Variants in EEA1 observed in about 807,000 individuals in gnomAD.
EEA1 encodes early endosome antigen 1, also known as early endosome antigen 1, 162kD.
In EEA1, 111 loss-of-function variants were observed where a neutral mutation model predicts 209.2. The ratio of observed to expected loss-of-function variants is 0.53; its 90% CI spans 0.45 to 0.62. The LOEUF is 0.62. EEA1 is among the 20% of genes least tolerant of loss of function. EEA1 has a pLI of 0.00. For missense variants in EEA1, 1,343 were observed against 1,530.8 expected (o/e 0.88, Z 2.05); for synonymous variants, 536 against 540.6 (o/e 0.99, Z 0.12).
chr12:92,807,503 T>C (rs1273653257), intron 18 of EEA1, among the ~76,000 whole-genome samples: 1 of 152,146 alleles, frequency 6.6e-6, no homozygotes. Context: ...TTTGTCTCTA[T>C]TCACAGATAA....
chr12:92,887,338 C>G (rs1254651003), intron 2 of EEA1, among the ~76,000 whole-genome samples: 1 of 12,270 alleles, frequency 8.1e-5, no homozygotes, highest in Non-Finnish European at 1.3e-4. Context: ...AAAACTAAAA[C>G]TTAAAAATTT....
At chr12:92,777,029 T>C in intron 27 of EEA1, 87 bp from the exon 28 acceptor site, 5 of 1,421,744 alleles carry the variant, frequency 3.5e-6, no homozygotes, top group Non-Finnish European at 4.9e-6. Context: ...CAGAGTTCTA[T>C]AAAATTTTGA....
intron 5 of EEA1, among the ~76,000 whole-genome samples, chr12:92,855,881 A>G (rs1382568744): frequency 6.6e-6 from 1 of 152,238 alleles, no homozygotes; most frequent in Non-Finnish European, 1.5e-5. Flanking sequence ...AGAAAAGAAT[A>G]CAGCCCATAC....
intron 1 of EEA1, among the ~76,000 whole-genome samples, chr12:92,909,615 G>GAAAGT (rs1880504081): frequency 6.6e-6 from 1 of 152,224 alleles, no homozygotes; most frequent in Non-Finnish European, 1.5e-5. Flanking sequence ...ATGGTATTGA[G>GAAAGT]AAGTGAGGCC....
chr12:92,908,499 A>G (rs1362912414), intron 1 of EEA1, among the ~76,000 whole-genome samples: 2 of 152,180 alleles, frequency 1.3e-5, no homozygotes, highest in African/African-American at 4.8e-5. Flanking sequence ...TAAAACCTAA[A>G]TAAGTATTAT....
chr12:92,869,874 A>G (rs1878562759), intron 2 of EEA1, among the ~76,000 whole-genome samples: 1 of 151,840 alleles, frequency 6.6e-6, no homozygotes, highest in African/African-American at 2.4e-5. Flanking sequence ...TTGACCCACA[A>G]GGTCCAGAAG....
chr12:92,789,012 C>G (rs1874264533), intron 21 of EEA1, among the ~76,000 whole-genome samples: 1 of 151,998 alleles, frequency 6.6e-6, no homozygotes, highest in Non-Finnish European at 1.5e-5. Context: ...TCAACTAGGC[C>G]GGGCATGGTG....
chr12:92,900,033 A>G (rs1880082603), intron 1 of EEA1, among the ~76,000 whole-genome samples: 2 of 152,116 alleles, frequency 1.3e-5, no homozygotes, highest in Admixed American at 1.3e-4. Context: ...TGTTTGGGAG[A>G]CTGGAGATTC....
Position 92,776,078 on chromosome 12 carries a change from G to C in EEA1, c.4169C>G (p.Ala1390Gly), listed in dbSNP as rs1463636482. The C allele has an allele frequency of 6.2e-7, 1 of 1,611,284 alleles. No homozygotes were observed. The highest frequency in any genetic ancestry group is 8.5e-7 in the Non-Finnish European group (1 of 1,178,262). ...IFCAECSAKN[A>G]LTPSSKKPVR... ...AGGCTTCTTGGAGGAAGGAGTTAAG[G>C]CATTTTTGGCTGAACATTCAGCACA... The change falls in exon 29 of 29, where the codon GCC (alanine) becomes GGC (glycine). Residue 1390 changes from alanine to glycine, a missense_variant. This residue lies in a region of EEA1 where 28 missense variants were observed against 37.7 expected (regional missense o/e 0.74). Transcript: ENST00000322349.
intron 2 of EEA1, among the ~76,000 whole-genome samples, chr12:92,874,945 C>T (rs1438546611): frequency 6.6e-6 from 1 of 152,098 alleles, no homozygotes; most frequent in African/African-American, 2.4e-5. Context: ...TATTGAACAT[C>T]AAAATGTAAC....
chr12:92,898,344 G>T (rs937272318), intron 1 of EEA1, among the ~76,000 whole-genome samples: 2 of 152,146 alleles, frequency 1.3e-5, no homozygotes, highest in African/African-American at 4.8e-5. Flanking sequence ...GTTCTGTGAG[G>T]TTCTGTCAAC....
At chr12:92,788,943 C>T (rs1238815975) in intron 21 of EEA1, among the ~76,000 whole-genome samples, 1 of 152,118 alleles carries the variant, frequency 6.6e-6, no homozygotes, top group African/African-American at 2.4e-5. Context: ...AATGTTGAGA[C>T]ACCCCAGAGT....
intron 22 of EEA1, among the ~76,000 whole-genome samples, chr12:92,786,514 AT>A (rs1874140426): frequency 6.6e-6 from 1 of 152,108 alleles, no homozygotes; most frequent in Non-Finnish European, 1.5e-5. Flanking sequence ...CTTTCACCCA[AT>A]TTCCTATCTC....
rs1875881913 is a variant in EEA1, at chr12:92,818,167, T to C, written c.1728+1141A>G. On this transcript the variant is annotated intron_variant, in intron 14 of 28. Coordinates refer to ENST00000322349, the MANE Select transcript of EEA1 (RefSeq NM_003566.4). ...CTGGTATCCTACCCTACAAATTCGA[T>C]CTGCCTTAACCTCCCTGAACTTCAG... Among the ~76,000 whole-genome samples, 6 of 152,314 alleles carry C rather than the reference T, an allele frequency of 3.9e-5. 1 individual carries two copies. In the South Asian group the frequency reaches 1.2e-3, roughly 32 times the overall value.
At chr12:92,921,523 C>A (rs11106744) in intron 1 of EEA1, among the ~76,000 whole-genome samples, 1 of 119,402 alleles carries the variant, frequency 8.4e-6, no homozygotes, top group Non-Finnish European at 1.7e-5. Context: ...ACCGCATATT[C>A]TCACTCATAG....
intron 2 of EEA1, among the ~76,000 whole-genome samples, chr12:92,879,012 T>C (rs1214264827): frequency 1.3e-5 from 2 of 152,148 alleles, no homozygotes; most frequent in Admixed American, 1.3e-4. Flanking sequence ...TATACCTCCC[T>C]AATTTATGAG....
chr12:92,828,688 G>A (rs1876441382), intron 11 of EEA1, among the ~76,000 whole-genome samples: 1 of 151,628 alleles, frequency 6.6e-6, no homozygotes, highest in Non-Finnish European at 1.5e-5. Flanking sequence ...AACTAAGGGA[G>A]TTAAGAACCA....
intron 18 of EEA1, among the ~76,000 whole-genome samples, chr12:92,803,687 A>G (rs1304260260): frequency 6.6e-6 from 1 of 152,116 alleles, no homozygotes; most frequent in Non-Finnish European, 1.5e-5. Context: ...TTTTAGTTCT[A>G]GAAACACACT....
intron 10 of EEA1, among the ~76,000 whole-genome samples, chr12:92,839,307 T>G (rs1777284550): frequency 6.6e-6 from 1 of 152,164 alleles, no homozygotes; most frequent in African/African-American, 2.4e-5. Flanking sequence ...CAAATTTTAA[T>G]GTTACAGTGT....
Sources: gnomAD v4.1 joint callset for allele counts (sites outside exome capture counted in the v4.1 genomes callset) on GRCh38, gnomAD v4.1.1 for gene constraint, gnomAD v4.1.1 regional missense constraint, MANE v1.5 for transcripts, NCBI Gene and HGNC (gene_info 2026-07-23, HGNC 2026-07-21) for gene names.